Variants in ARAP2 observed in about 807,000 individuals in gnomAD.
ARAP2 encodes ArfGAP with RhoGAP domain, ankyrin repeat and PH domain 2, also known as arf-GAP with Rho-GAP domain, ANK repeat and PH domain-containing protein 2.
A neutral mutation model predicts 194.5 loss-of-function variants in ARAP2; 148 were observed. The ratio of observed to expected loss-of-function variants is 0.76; its 90% CI spans 0.67 to 0.87. The LOEUF (loss-of-function observed/expected upper bound fraction) is 0.87, where lower values mean the gene tolerates loss of function less well. Ranked by LOEUF, ARAP2 falls within the 40% of genes least tolerant of loss-of-function variation. The pLI is 0.00. For missense variants in ARAP2, 2,128 were observed against 1,989.7 expected, an observed-to-expected ratio of 1.07 and a Z score of -1.32; for synonymous variants, 695 against 683.5, an observed-to-expected ratio of 1.02 and a Z score of -0.26.
intron 27 of ARAP2, among the ~76,000 whole-genome samples, chr4:36,094,224 A>G (rs1022903234): frequency 2.6e-5 from 4 of 152,184 alleles, no homozygotes; most frequent in Admixed American, 1.3e-4. Flanking sequence ...AAGTTTGATG[A>G]CACATGAAAA....
rs773430774 is a variant in ARAP2 at position 36,158,772 on chromosome 4, A to C, written c.2710T>G (p.Ser904Ala). ...FLCDFLYQAP[S>A]AASKLSSEKK... ...TCTGAAGAGAGTTTAGAAGCAGCAG[A>C]AGGAGCTTGATATAAAAAGTCACAG... Residue 904 changes from serine (S) to alanine (A), a missense_variant, in exon 15 of 33, where the codon TCT becomes GCT. By Grantham distance (99) the Ser-to-Ala change is moderately conservative. Transcript: ENST00000303965. 1.2e-6 allele frequency: 2 copies of C among 1,611,956 alleles called. No homozygotes were observed. Among genetic ancestry groups the C allele is most frequent in the Admixed American group, 1.7e-5 (1 of 59,870 alleles).
rs1311874410 is a variant in ARAP2, at chr4:36,166,985, C to T, written c.1920G>A (p.Val640=). The T allele has an allele frequency of 1.2e-6, 2 of 1,608,870 alleles. No individual in the cohort carries two copies. The highest frequency in any genetic ancestry group is 1.7e-5 in the Admixed American group (1 of 59,068). The change falls in exon 10 of 33, where the codon GTG becomes GTA. Residue 640 remains valine, a synonymous_variant. Coordinates refer to ENST00000303965, the MANE Select transcript of ARAP2 (RefSeq NM_015230.4). ...CAAAAGATTGTTTCACAGTTCGGTC[C>T]ACTTGCTTTACATTTGCTACATTCA... ...IPMNVANVKQ[V]DRTVKQSFEI... is the part of the protein sequence containing the mutation.
chr4:36,114,207 A>T lies in ARAP2; in HGVS notation c.4119T>A (p.Ile1373=). The part of the protein sequence containing the change: ...IKNIIPTKGD[I]WATFEVIENE... ...TTTCAATGACTTCAAATGTGGCCCA[A>T]ATATCACCTTTTGTAGGAATAATAT... The change falls in exon 26 of 33, where the codon ATT becomes ATA. Residue 1373 remains isoleucine, a synonymous_variant. Transcript: ENST00000303965. The T allele has an allele frequency of 1.2e-6, 2 of 1,602,898 alleles. No homozygotes were observed. Among genetic ancestry groups the T allele is most frequent in the Non-Finnish European group, 1.7e-6 (2 of 1,171,600 alleles).
At chr4:36,077,826 T>A (rs1577769225) in intron 31 of ARAP2, among the ~76,000 whole-genome samples, 1 of 152,164 alleles carries the variant, frequency 6.6e-6, no homozygotes, top group African/African-American at 2.4e-5. Flanking sequence ...CTTCATGATG[T>A]TTATAGAATA....
At chr4:36,071,312 G>A (rs1157012374) in intron 32 of ARAP2, among the ~76,000 whole-genome samples, 3 of 152,232 alleles carry the variant, frequency 2.0e-5, no homozygotes, top group African/African-American at 2.4e-5. Flanking sequence ...AGCTTAGAAC[G>A]ATGGCGTTAA....
intron 5 of ARAP2, among the ~76,000 whole-genome samples, chr4:36,044,601 C>G (rs1324728102): frequency 6.6e-6 from 1 of 151,968 alleles, no homozygotes; most frequent in Non-Finnish European, 1.5e-5. Context: ...TAGAGGAAAA[C>G]ATAGCAGAAA....
intron 32 of ARAP2, 107 bp from the exon 33 acceptor site, chr4:36,068,385 T>A: frequency 8.0e-7 from 1 of 1,248,516 alleles, no homozygotes; most frequent in Non-Finnish European, 1.1e-6. Flanking sequence ...AGATCTCATT[T>A]CTATGACTTA....
intron 6 of ARAP2, among the ~76,000 whole-genome samples, chr4:36,018,888 G>A (rs555199938): frequency 6.6e-6 from 1 of 152,058 alleles, no homozygotes; most frequent in African/African-American, 2.4e-5. Context: ...AAGGTAGATA[G>A]GGTTGAATCT....
chr4:36,233,663 A>T (rs1034935441), intron 1 of ARAP2, among the ~76,000 whole-genome samples: 2 of 152,220 alleles, frequency 1.3e-5, no homozygotes, highest in African/African-American at 4.8e-5. Flanking sequence ...CCTTTCCCAT[A>T]AAATGGAAAT....
chr4:36,238,115 C>T (rs1052279391), intron 1 of ARAP2, among the ~76,000 whole-genome samples: 5 of 152,096 alleles, frequency 3.3e-5, no homozygotes, highest in Non-Finnish European at 5.9e-5. Context: ...TGGCAACATC[C>T]GCCCCATTAA....
intron 17 of ARAP2, 28 bp downstream of exon 17, chr4:36,148,377 T>G: frequency 6.5e-7 from 1 of 1,549,534 alleles, no homozygotes; most frequent in Non-Finnish European, 8.9e-7. Context: ...TTCTCTGGAT[T>G]TAGAGCAGTA....
intron 9 of ARAP2, among the ~76,000 whole-genome samples, chr4:36,009,864 A>G (rs1241720333): frequency 9.1e-6 from 1 of 109,418 alleles, no homozygotes; most frequent in Non-Finnish European, 1.8e-5. Context: ...AAAATTCAGA[A>G]GCTCCTTGTT....
At chr4:36,110,349 A>G (rs73225577) in intron 26 of ARAP2, among the ~76,000 whole-genome samples, 3,253 of 152,048 alleles carry the variant, frequency 0.021, 63 homozygotes, top group Non-Finnish European at 0.027. Context: ...TAAAATAAAC[A>G]GATCTTCCAC....
chr4:36,222,373 A>G (rs557627157), intron 2 of ARAP2, among the ~76,000 whole-genome samples: 13 of 152,266 alleles, frequency 8.5e-5, no homozygotes, highest in African/African-American at 3.1e-4. Context: ...AAAGTCCTCA[A>G]AATGAACACT....
At chr4:36,212,154 G>A (rs993468077) in intron 5 of ARAP2, among the ~76,000 whole-genome samples, 1 of 73,312 alleles carries the variant, frequency 1.4e-5, no homozygotes, top group Admixed American at 1.5e-4. Context: ...GGGAAGGGGT[G>A]TGGTTTCCAT....
At chr4:36,060,994 T>C (rs1455110666) in intron 1 of ARAP2, among the ~76,000 whole-genome samples, 3 of 152,204 alleles carry the variant, frequency 2.0e-5, no homozygotes, top group South Asian at 2.1e-4. Context: ...TAACTTGTGG[T>C]AATCTGCTTT....
intron 29 of ARAP2, among the ~76,000 whole-genome samples, chr4:36,082,918 C>T (rs1008595239): frequency 3.3e-5 from 5 of 152,032 alleles, no homozygotes; most frequent in African/African-American, 1.2e-4. Context: ...CCAAAGTCAG[C>T]ATAGTAAAAA....
chr4:36,036,316 T>C (rs571031115), intron 5 of ARAP2, among the ~76,000 whole-genome samples: 30 of 152,288 alleles, frequency 2.0e-4, no homozygotes, highest in African/African-American at 7.2e-4. Flanking sequence ...ACGTGGCATA[T>C]AATTTAAATT....
At chr4:36,030,753 A>T (rs1275015627) in intron 5 of ARAP2, among the ~76,000 whole-genome samples, 1 of 148,286 alleles carries the variant, frequency 6.7e-6, no homozygotes, top group Non-Finnish European at 1.5e-5. Flanking sequence ...CTTTACCTTC[A>T]ATTCTTTCTT....
Sources: allele counts gnomAD v4.1 joint callset (sites outside exome capture counted in the v4.1 genomes callset), GRCh38; gene constraint gnomAD v4.1.1; transcripts MANE v1.5; gene names NCBI Gene and HGNC (gene_info 2026-07-23, HGNC 2026-07-21).